HHAT: variants seen among roughly 807,000 people sequenced by gnomAD.
HHAT encodes hedgehog acyltransferase.
A neutral mutation model predicts 70.8 loss-of-function variants in HHAT; 47 were observed. The ratio of observed to expected loss-of-function variants is 0.66; its 90% CI spans 0.53 to 0.85. The LOEUF (loss-of-function observed/expected upper bound fraction) is 0.85. HHAT is among the 40% of genes least tolerant of loss of function. The pLI, the probability that HHAT is intolerant of heterozygous loss-of-function variation, is 0.00. For missense variants in HHAT, 609 were observed against 604.8 expected, an observed-to-expected ratio of 1.01 and a Z score of -0.07; for synonymous variants, 228 against 247.6, an observed-to-expected ratio of 0.92 and a Z score of 0.74.
intron 8 of HHAT, among the ~76,000 whole-genome samples, chr1:210,507,646 A>G (rs2094883546): frequency 6.6e-6 from 1 of 151,940 alleles, no homozygotes; most frequent in Non-Finnish European, 1.5e-5. Context: ...GGCGTGAGCT[A>G]CCGCACCTGG....
intron 11 of HHAT, among the ~76,000 whole-genome samples, chr1:210,656,621 C>G (rs1676479260): frequency 6.6e-6 from 1 of 152,188 alleles, no homozygotes; most frequent in African/African-American, 2.4e-5. Flanking sequence ...TCACCGTCAG[C>G]AGAGAACCCT....
At chr1:210,343,806 C>CA (rs968409564) in intron 1 of HHAT, among the ~76,000 whole-genome samples, 12 of 152,166 alleles carry the variant, frequency 7.9e-5, no homozygotes, top group African/African-American at 2.9e-4. Flanking sequence ...GTAGGATGGG[C>CA]ATACCCCAGG....
intron 1 of HHAT, among the ~76,000 whole-genome samples, chr1:210,340,242 G>GGGGAAGAAA (rs1553313987): frequency 2.0e-5 from 2 of 99,782 alleles, no homozygotes; most frequent in Non-Finnish European, 2.1e-5. Context: ...CTCTGTCTCA[G>GGGGAAGAAA]AAAAAAAAAA....
intron 7 of HHAT, among the ~76,000 whole-genome samples, chr1:210,445,823 C>CT (rs1189396330): frequency 2.6e-5 from 4 of 151,918 alleles, no homozygotes; most frequent in Non-Finnish European, 5.9e-5. Context: ...TCCTTCCCTG[C>CT]TATCCTCTTA....
rs892478969 is a variant in HHAT at position 210,555,791 on chromosome 1, C to T, written c.1044-32107C>T. ...CCTCTTAGAAGCCTAGTGGTAAATT[C>T]TGCACTGGTGGCCTCATTAGTATGC... On this transcript the variant is annotated intron_variant, in intron 9 of 11. Transcript: ENST00000261458. Among the ~76,000 whole-genome samples, 10 of 152,150 alleles carry T rather than the reference C, an allele frequency of 6.6e-5. No homozygotes were observed. In the South Asian group the frequency reaches 1.0e-3, roughly 16 times the overall value.
chr1:210,488,880 G>A (rs370798640), intron 8 of HHAT, among the ~76,000 whole-genome samples: 38 of 152,318 alleles, frequency 2.5e-4, no homozygotes, highest in African/African-American at 8.9e-4. Context: ...AACAGAGTGA[G>A]ACCTTGTTTC....
At chr1:210,655,696 T>A (rs1301181527) in intron 11 of HHAT, among the ~76,000 whole-genome samples, 1 of 152,242 alleles carries the variant, frequency 6.6e-6, no homozygotes, top group East Asian at 1.9e-4. Flanking sequence ...TGAGTCACTT[T>A]ATACGTCAGG....
Position 210,464,553 on chromosome 1 carries a change from T to C in HHAT, c.905T>C (p.Val302Ala), listed in dbSNP as rs780669166. The change falls in exon 8 of 12, where the codon GTG becomes GCG. Residue 302 changes from valine to alanine, a missense_variant. Val to Ala is a moderately conservative substitution (Grantham distance 64). Coordinates refer to ENST00000261458, the MANE Select transcript of HHAT (RefSeq NM_018194.6). ...CTCTTTTTCTACGTGAAGTACTTGG[T>C]GCTCTTTGGCGTGCCTGCTCTGCTC... The part of the protein sequence containing the change: ...QVLFFYVKYL[V>A]LFGVPALLMR... The C allele has an allele frequency of 6.2e-7, 1 of 1,614,060 alleles. No homozygotes were observed. The highest frequency in any genetic ancestry group is 8.5e-7 in the Non-Finnish European group (1 of 1,180,022).
chr1:210,470,542 C>T (rs1200520277), intron 8 of HHAT, among the ~76,000 whole-genome samples: 4 of 152,194 alleles, frequency 2.6e-5, no homozygotes, highest in African/African-American at 7.2e-5. Flanking sequence ...AAGGGACTAT[C>T]AAGTTAAAGC....
chr1:210,439,407 T>A (rs1024398139), intron 7 of HHAT, among the ~76,000 whole-genome samples: 1 of 151,812 alleles, frequency 6.6e-6, no homozygotes, highest in Non-Finnish European at 1.5e-5. Context: ...CTGTGGTGTC[T>A]GGGTTTCCAA....
intron 9 of HHAT, among the ~76,000 whole-genome samples, chr1:210,542,425 G>A (rs1004354666): frequency 1.3e-5 from 2 of 151,958 alleles, no homozygotes; most frequent in South Asian, 2.1e-4. Flanking sequence ...TTCTGTCATA[G>A]CAGTGTTAGG....
chr1:210,460,590 A>G lies in HHAT; in HGVS notation c.857-3915A>G, dbSNP rs142845253. Reference sequence around the variant, plus strand: ...CTCTTTTAACAGACCGTAACACTCTATAAGGGCTGTTAGCATGCCTTTTTA... The same window carrying G: ...CTCTTTTAACAGACCGTAACACTCTGTAAGGGCTGTTAGCATGCCTTTTTA... On this transcript the variant is annotated intron_variant, in intron 7 of 11. Transcript: ENST00000261458. 2.5e-3 allele frequency among the ~76,000 whole-genome samples: 379 copies of G among 152,306 alleles called. 1 individual carries two copies. Among genetic ancestry groups the G allele is most frequent in the Admixed American group, 5.3e-3 (81 of 15,304 alleles).
At chr1:210,362,415 T>C (rs1571884825) in intron 2 of HHAT, among the ~76,000 whole-genome samples, 1 of 152,112 alleles carries the variant, frequency 6.6e-6, no homozygotes, top group African/African-American at 2.4e-5. Context: ...TTAGTAGAGA[T>C]GGGGTTTCAC....
intron 10 of HHAT, among the ~76,000 whole-genome samples, chr1:210,619,508 T>C (rs1165558181): frequency 6.6e-6 from 1 of 152,152 alleles, no homozygotes; most frequent in African/African-American, 2.4e-5. Flanking sequence ...GGTGCATTTT[T>C]GGCATTACTC....
At chr1:210,662,866 A>T (rs531755404) in intron 11 of HHAT, among the ~76,000 whole-genome samples, 38 of 152,204 alleles carry the variant, frequency 2.5e-4, no homozygotes, top group Non-Finnish European at 4.9e-4. Context: ...CCTCATCAGG[A>T]TGTGAAATTG....
rs1212970048 is a variant in HHAT at position 210,400,559 on chromosome 1, C to T, written c.365C>T (p.Thr122Ile). 32 of 1,614,122 alleles carry T rather than the reference C, an allele frequency of 2.0e-5. No individual in the cohort carries two copies. The highest frequency in any genetic ancestry group is 2.7e-5 in the Non-Finnish European group (32 of 1,180,026). ...PGVAMVLLHTTISFCVAQFRS... is the reference protein window; with the variant it reads ...PGVAMVLLHTIISFCVAQFRS... ...GTGGCTATGGTTTTGCTCCATACCA[C>T]CATCTCTTTCTGCGTGGCCCAGTTC... The change falls in exon 5 of 12, where the codon ACC (threonine) becomes ATC (isoleucine). Residue 122 changes from threonine to isoleucine, a missense_variant. Coordinates refer to ENST00000261458, the MANE Select transcript of HHAT (RefSeq NM_018194.6).
At chr1:210,628,987 T>C (rs1216779055) in intron 11 of HHAT, among the ~76,000 whole-genome samples, 3 of 152,316 alleles carry the variant, frequency 2.0e-5, no homozygotes, top group Non-Finnish European at 4.4e-5. Flanking sequence ...TCCCTCTAAG[T>C]GGAGTTTTCA....
At chr1:210,379,710 AGTTTGTT>A (rs2090487790) in intron 3 of HHAT, among the ~76,000 whole-genome samples, 1 of 152,300 alleles carries the variant, frequency 6.6e-6, no homozygotes, top group African/African-American at 2.4e-5. Context: ...AGTAAAATCG[AGTTTGTT>A]GTTTGTTCGT....
intron 10 of HHAT, among the ~76,000 whole-genome samples, chr1:210,596,140 G>T (rs1025366353): frequency 2.0e-5 from 3 of 152,100 alleles, no homozygotes; most frequent in Non-Finnish European, 2.9e-5. Context: ...TTGAATTAAT[G>T]TTTCTATAAG....
Sources: gnomAD v4.1 joint callset for allele counts (sites outside exome capture counted in the v4.1 genomes callset) on GRCh38, gnomAD v4.1.1 for gene constraint, MANE v1.5 for transcripts, NCBI Gene and HGNC (gene_info 2026-07-23, HGNC 2026-07-21) for gene names.